The following COPG1 variants were observed in gnomAD, a reference collection of about 807,000 sequenced individuals.
COPG1 encodes coat protein complex I subunit gamma 1, also known as coatomer subunit gamma-1.
In COPG1, 29 loss-of-function variants were observed where a neutral mutation model predicts 102.8. That is an observed-to-expected ratio of 0.28 (90% CI 0.21 to 0.38). The LOEUF is 0.38. Among genes scored for constraint, COPG1 ranks in the 10% least tolerant of loss-of-function variants. COPG1 has a pLI of 1.00. For missense variants in COPG1, 875 were observed against 1,132.7 expected (o/e 0.77, Z 3.27); for synonymous variants, 406 against 421.6 (o/e 0.96, Z 0.45).
Position 129,275,971 on chromosome 3 carries a change from TACACACACAC to T in COPG1, c.2494+697_2494+706del, listed in dbSNP as rs59294610. On this transcript the variant is annotated intron_variant, in intron 23 of 23. Coordinates refer to ENST00000314797, the MANE Select transcript of COPG1 (RefSeq NM_016128.4). This position sits in a 1 kb window ranked among gnomAD's most constrained non-coding sequence, Gnocchi z 5.0. ...ACAGATGTTACAGTAAATAATCGTG[TACACACACAC>T]ACACACACACACACACAGTTTACTT... 1.5e-4 allele frequency among the ~76,000 whole-genome samples: 23 copies of T among 149,392 alleles called. No homozygotes were observed. The highest frequency in any genetic ancestry group is 3.4e-4 in the African/African-American group (14 of 41,124).
In COPG1 at chr3:129,276,823, C is replaced by CTTTTT. The variant is rs34883126; in HGVS notation, c.2495-457_2495-453dup. Among the ~76,000 whole-genome samples the CTTTTT allele has an allele frequency of 1.3e-3, 169 of 129,936 alleles. 4 individuals are homozygous for CTTTTT. The highest frequency in any genetic ancestry group is 4.9e-3 in the African/African-American group (162 of 33,286). 85.2% of individuals were successfully genotyped at this position (129,936 alleles called of 152,430 possible). A position where few individuals can be genotyped will look rare whatever the true frequency, so the allele number is the denominator to read the frequency against. ...TGAAGTCCTGAGAGACAGTGACTTT[C>CTTTTT]TTTTTTTTTTTTTTTTTTGAGACGG... On this transcript the variant is annotated intron_variant, in intron 23 of 23. Transcript: ENST00000314797.
At chr3:129,261,041 G>C (rs547565635) in intron 12 of COPG1, among the ~76,000 whole-genome samples, 1 of 152,214 alleles carries the variant, frequency 6.6e-6, no homozygotes, top group Non-Finnish European at 1.5e-5. Flanking sequence ...GTAGTTTCCA[G>C]GCCAGTTAAG....
intron 12 of COPG1, among the ~76,000 whole-genome samples, chr3:129,262,921 G>A (rs948338192): frequency 6.6e-6 from 1 of 151,676 alleles, no homozygotes; most frequent in Non-Finnish European, 1.5e-5. Context: ...TCCGGAGGCT[G>A]AGGTAGGAGA....
rs1940096282 is a variant in COPG1 at position 129,267,774 on chromosome 3, G to C, written c.1545-163G>C. Among the ~76,000 whole-genome samples the C allele has an allele frequency of 2.6e-5, 4 of 152,310 alleles. No homozygotes were observed. In the South Asian group the frequency reaches 8.3e-4, roughly 32 times the overall value. The stretch of plus-strand genomic sequence containing the variant: ...ATTTCATCACCCCAAAGGGAACTCA[G>C]TGTTCATGAGTGTGGCCTCTCCTCA... On this transcript the variant is annotated intron_variant, in intron 15 of 23. Coordinates refer to ENST00000314797, the MANE Select transcript of COPG1 (RefSeq NM_016128.4).
At chr3:129,263,121 C>T (rs1043901061) in intron 12 of COPG1, among the ~76,000 whole-genome samples, 10 of 150,978 alleles carry the variant, frequency 6.6e-5, no homozygotes, top group Admixed American at 1.3e-4. Context: ...CCTGAACCGG[C>T]GGGAGTAGGA....
In COPG1 at chr3:129,249,758, A is replaced by G. The variant is rs1284040419; in HGVS notation, c.37+12A>G. On this transcript the variant is annotated intron_variant, in intron 1 of 23. Coordinates refer to ENST00000314797, the MANE Select transcript of COPG1 (RefSeq NM_016128.4). ...GGATGAGGAGTCAGGTGAGGGGGCC[A>G]GGCCTGGGTCTGAGGGAGGCCGGAC... 19 of 1,550,562 alleles carry G rather than the reference A, an allele frequency of 1.2e-5. No homozygotes were observed. Among genetic ancestry groups the G allele is most frequent in the Non-Finnish European group, 1.7e-5 (19 of 1,146,750 alleles).
At chr3:129,250,884 T>C (rs1166670299) in intron 2 of COPG1, 150 bp downstream of exon 2, 1 of 689,098 alleles carries the variant, frequency 1.5e-6, no homozygotes. Flanking sequence ...AAAACTTTGT[T>C]TCTGGAGAGA....
chr3:129,250,609 C>T, intron 1 of COPG1, 73 bp from the exon 2 acceptor site: 2 of 1,208,642 alleles, frequency 1.7e-6, no homozygotes, highest in East Asian at 2.3e-5. Context: ...GGGACATCTT[C>T]CCTTTACCTA....
chr3:129,250,857 G>A (rs1423171649), intron 2 of COPG1, 123 bp downstream of exon 2: 15 of 630,426 alleles, frequency 2.4e-5, no homozygotes, highest in Non-Finnish European at 3.3e-5. Context: ...GTGCCTGGAA[G>A]TTTTCTGGAA....
chr3:129,269,306 G>A (rs570505575), intron 18 of COPG1, among the ~76,000 whole-genome samples: 105 of 152,308 alleles, frequency 6.9e-4, no homozygotes, highest in Admixed American at 1.6e-3. Context: ...AGTTCAGAAT[G>A]TCTGAGAGAG....
intron 12 of COPG1, 46 bp from the exon 13 acceptor site, chr3:129,263,858 A>G: frequency 6.4e-7 from 1 of 1,553,142 alleles, no homozygotes; most frequent in Admixed American, 1.7e-5. Flanking sequence ...GAGTCACCCC[A>G]TCTTGGTGGC....
intron 15 of COPG1, 108 bp downstream of exon 15, chr3:129,267,207 A>C (rs984175976): frequency 4.0e-6 from 3 of 758,182 alleles, no homozygotes; most frequent in Non-Finnish European, 2.2e-6. Context: ...AAAGTTATAC[A>C]GCTACTGATT....
chr3:129,251,668 G>A (rs1037896945), intron 2 of COPG1, among the ~76,000 whole-genome samples: 23 of 151,058 alleles, frequency 1.5e-4, no homozygotes, highest in African/African-American at 5.1e-4. Context: ...TTATAAGCGT[G>A]AGCCACCGCG....
chr3:129,275,097 A>G lies in COPG1; in HGVS notation c.2396-97A>G. 6.7e-7 allele frequency: 1 copy of G among 1,494,892 alleles called. No individual in the cohort carries two copies. Among genetic ancestry groups the G allele is most frequent in the Admixed American group, 1.7e-5 (1 of 58,742 alleles). The allele number at this position is 1,494,892 out of a possible 1,614,324, so 92.6% of individuals were successfully genotyped here. On this transcript the variant is annotated intron_variant, in intron 22 of 23. Transcript: ENST00000314797. This position sits in a 1 kb window ranked among gnomAD's most constrained non-coding sequence, Gnocchi z 5.0. ...GCCATGTCTGGAGCACATATGTCAAATGCCACTTCATTAAAAGCCCTTCAG... is the reference window on the plus strand; with the variant it reads ...GCCATGTCTGGAGCACATATGTCAAGTGCCACTTCATTAAAAGCCCTTCAG...
At chr3:129,266,617 A>G (rs1291110953) in intron 14 of COPG1, among the ~76,000 whole-genome samples, 2 of 152,174 alleles carry the variant, frequency 1.3e-5, no homozygotes, top group Non-Finnish European at 2.9e-5. Flanking sequence ...TTCTTTCAGC[A>G]ATAAATGATC....
Position 129,271,842 on chromosome 3 carries a change from C to G in COPG1, c.1919C>G (p.Thr640Ser). 1 of 1,614,196 alleles carries G rather than the reference C, an allele frequency of 6.2e-7. No homozygotes were observed. Among genetic ancestry groups the G allele is most frequent in the Non-Finnish European group, 8.5e-7 (1 of 1,180,044 alleles). Residue 640 changes from threonine (T) to serine (S), a missense_variant, in exon 19 of 24, where the codon ACC becomes AGC. By Grantham distance (58) the Thr-to-Ser change is moderately conservative (BLOSUM62 1). Transcript: ENST00000314797. The surrounding 1 kb of genome is among the most constrained non-coding windows in gnomAD (Gnocchi z 4.7). ...TCCTCGCCTGAGCCCGTGGCCCTCA[C>G]CGAGTCAGAGACGGAGTATGTCATC... Reference protein sequence around the residue: ...FKSSPEPVALTESETEYVIRC... With the variant: ...FKSSPEPVALSESETEYVIRC...
intron 12 of COPG1, among the ~76,000 whole-genome samples, chr3:129,261,854 AG>A (rs1468335416): frequency 6.6e-6 from 1 of 152,216 alleles, no homozygotes; most frequent in Non-Finnish European, 1.5e-5. Flanking sequence ...CTTCATAGTC[AG>A]GCCCATTCCT....
rs1180194917 is a variant in COPG1 at position 129,252,688 on chromosome 3, C to T, written c.237C>T (p.Ser79=). 7 of 1,613,872 alleles carry T rather than the reference C, an allele frequency of 4.3e-6. No individual in the cohort carries two copies. Among genetic ancestry groups the T allele is most frequent in the Non-Finnish European group, 5.9e-6 (7 of 1,179,798 alleles). The change falls in exon 4 of 24, where the codon TCC becomes TCT. Residue 79 remains serine (S), a synonymous_variant. Coordinates refer to ENST00000314797, the MANE Select transcript of COPG1 (RefSeq NM_016128.4). ...TTGCCATGACCAAGCTCTTTCAGTC[C>T]AATGATGTAAGTGCCTCAACCCAGC... ...AFFAMTKLFQ[S]NDPTLRRMCY... is the part of the protein sequence containing the mutation.
intron 8 of COPG1, among the ~76,000 whole-genome samples, chr3:129,256,861 C>T (rs1194218938): frequency 6.6e-6 from 1 of 152,222 alleles, no homozygotes; most frequent in Non-Finnish European, 1.5e-5. Flanking sequence ...ATCTTTGCCC[C>T]CAAATGTCGC....
Sources: allele counts gnomAD v4.1 joint callset (sites outside exome capture counted in the v4.1 genomes callset), GRCh38; gene constraint gnomAD v4.1.1; non-coding constraint Gnocchi (gnomAD v3.1); transcripts MANE v1.5; gene names NCBI Gene and HGNC (gene_info 2026-07-23, HGNC 2026-07-21).